The following RPGRIP1 variants were observed in gnomAD, a reference collection of about 807,000 sequenced individuals.
RPGRIP1 encodes the protein RPGR interacting protein 1, also known as X-linked retinitis pigmentosa GTPase regulator-interacting protein 1.
RPGRIP1 carries 128 observed loss-of-function variants against 157.9 expected under a neutral mutation model. That is an observed-to-expected ratio of 0.81 (90% CI 0.70 to 0.94). The LOEUF (loss-of-function observed/expected upper bound fraction) is 0.94. Ranked by LOEUF, RPGRIP1 falls within the 40% of genes least tolerant of loss-of-function variation. The probability of loss-of-function intolerance (pLI) is 0.00; values close to 1 mark genes in which losing one functional copy is unlikely to be tolerated. For synonymous variants in RPGRIP1, 554 were observed against 571.6 expected (o/e 0.97, Z 0.44); for missense variants, 1,486 against 1,545.8 (o/e 0.96, Z 0.65).
rs1594213493 is a variant in RPGRIP1 at position 21,325,073 on chromosome 14, A to G, written c.2215+3A>G. Reference sequence around the variant, plus strand: ...CCATGGCTTGGCCACACTGATTGGTAAGTGCCGTTGGCTTCCTGCGGCTCC... The same window carrying G: ...CCATGGCTTGGCCACACTGATTGGTGAGTGCCGTTGGCTTCCTGCGGCTCC... On this transcript the variant is annotated splice_donor_region_variant and intron_variant, in intron 15 of 24. Transcript: ENST00000400017. The G allele has an allele frequency of 6.2e-7, 1 of 1,603,560 alleles. No homozygotes were observed. The highest frequency in any genetic ancestry group is 2.2e-5 in the East Asian group (1 of 44,664).
intron 2 of RPGRIP1, among the ~76,000 whole-genome samples, chr14:21,293,026 A>G (rs559588269): frequency 2.0e-5 from 3 of 151,832 alleles, no homozygotes; most frequent in East Asian, 3.9e-4. Flanking sequence ...GGTGCCTGTA[A>G]TCTCAGCTAC....
At chr14:21,328,396 T>C in intron 18 of RPGRIP1, 28 bp from the exon 19 acceptor site, 1 of 1,545,964 alleles carries the variant, frequency 6.5e-7, no homozygotes, top group African/African-American at 1.4e-5. Flanking sequence ...TACCAGCTTG[T>C]AATGCTATCT....
intron 14 of RPGRIP1, 165 bp from the exon 15 acceptor site, chr14:21,324,453 C>A: frequency 1.5e-6 from 1 of 667,286 alleles, no homozygotes; most frequent in Non-Finnish European, 2.7e-6. Context: ...ATTCAATGCT[C>A]CTGGTTGTCC....
intron 24 of RPGRIP1, among the ~76,000 whole-genome samples, chr14:21,350,728 G>A (rs1886172948): frequency 6.6e-6 from 1 of 152,272 alleles, no homozygotes; most frequent in Admixed American, 6.5e-5. Flanking sequence ...TAAGGCAAGT[G>A]ACGTTATCTT....
intron 10 of RPGRIP1, among the ~76,000 whole-genome samples, chr14:21,317,185 G>A (rs532137815): frequency 6.6e-6 from 1 of 152,204 alleles, no homozygotes; most frequent in South Asian, 2.1e-4. Flanking sequence ...AAATGGGTCT[G>A]CTCTGACAGC....
At chr14:21,293,855 G>A (rs1880640953) in intron 2 of RPGRIP1, among the ~76,000 whole-genome samples, 1 of 151,816 alleles carries the variant, frequency 6.6e-6, no homozygotes, top group Non-Finnish European at 1.5e-5. Flanking sequence ...CTCCAGCCTG[G>A]GCGAGAGTGC....
At chr14:21,312,055 G>T (rs1037545213) in intron 9 of RPGRIP1, 85 bp downstream of exon 9, 2 of 1,280,786 alleles carry the variant, frequency 1.6e-6, no homozygotes, top group African/African-American at 1.5e-5. Flanking sequence ...TATGAGTATT[G>T]CATTTTTTCA....
At position 21,351,121 on chromosome 14, in the gene RPGRIP1, C is replaced by G. The variant is rs1405508889; in HGVS notation, c.3766C>G (p.Leu1256Val). ...QELDIVSPEDLATPIGRLKVS... is the reference protein window; with the variant it reads ...QELDIVSPEDVATPIGRLKVS... ...CCCAACAGTTGTTAGCCCTGAAGAT[C>G]TGGCTACCCCAATAGGAAGGCTGAA... The change falls in exon 25 of 25, where the codon CTG (leucine) becomes GTG (valine). Residue 1256 changes from leucine (L) to valine (V), a missense_variant. Coordinates refer to ENST00000400017, the MANE Select transcript of RPGRIP1 (RefSeq NM_020366.4). 2.5e-6 allele frequency: 4 copies of G among 1,608,956 alleles called. No individual in the cohort carries two copies. The African/African-American group carries it at 5.3e-5, about 22-fold the overall frequency.
At chr14:21,297,889 A>G (rs1468735727) in intron 3 of RPGRIP1, among the ~76,000 whole-genome samples, 4 of 18,992 alleles carry the variant, frequency 2.1e-4, no homozygotes, top group African/African-American at 1.1e-3. Flanking sequence ...TTTTTTTGAG[A>G]TAGGGTCTCA....
intron 21 of RPGRIP1, among the ~76,000 whole-genome samples, chr14:21,338,225 T>C (rs1261143304): frequency 6.6e-6 from 1 of 152,164 alleles, no homozygotes; most frequent in Non-Finnish European, 1.5e-5. Flanking sequence ...CTCCCTCTTC[T>C]TAACAGTTAC....
At chr14:21,286,525 G>A (rs184892577) in intron 1 of RPGRIP1, among the ~76,000 whole-genome samples, 15 of 151,838 alleles carry the variant, frequency 9.9e-5, no homozygotes, top group African/African-American at 2.9e-4. Context: ...GGCTGGCTGC[G>A]GTCTGATGCC....
intron 6 of RPGRIP1, among the ~76,000 whole-genome samples, chr14:21,304,389 GAGAAAGAAAGAAAGAA>G (rs4058350): frequency 0.03 from 3,679 of 120,946 alleles, 75 homozygotes; most frequent in African/African-American, 0.071. Flanking sequence ...GAAGGAGAGA[GAGAAAGAAAGAAAGAA>G]AGAAAGAAAG....
chr14:21,349,068 AT>A lies in RPGRIP1; in HGVS notation c.3748+786del, dbSNP rs397709409. Among the ~76,000 whole-genome samples the A allele has an allele frequency of 2.7e-3, 304 of 113,404 alleles. 1 individual carries two copies. Among genetic ancestry groups the A allele is most frequent in the African/African-American group, 9.8e-3 (279 of 28,548 alleles). 74.4% of individuals were successfully genotyped at this position (113,404 alleles called of 152,430 possible). On this transcript the variant is annotated intron_variant, in intron 24 of 24. Coordinates refer to ENST00000400017, the MANE Select transcript of RPGRIP1 (RefSeq NM_020366.4). ...AATTGACTATGCTCTCCTTACTACA[AT>A]TTTTTTTTTTTTTTTTTTTGAGACA...
intron 1 of RPGRIP1, among the ~76,000 whole-genome samples, 67 bp downstream of exon 1, chr14:21,280,226 T>A (rs1279168050): frequency 1.3e-5 from 2 of 148,932 alleles, no homozygotes; most frequent in Non-Finnish European, 3.0e-5. Context: ...TTGAGAAGAA[T>A]GAAATAAGTT....
rs113696227 is a variant in RPGRIP1, at chr14:21,302,442, G to A, written c.491-46G>A. On this transcript the variant is annotated intron_variant, in intron 4 of 24. Coordinates refer to ENST00000400017, the MANE Select transcript of RPGRIP1 (RefSeq NM_020366.4). Reference sequence around the variant, plus strand: ...TTCCAGTTTCAGTACTTGGTGTTCCGGAGGGTACTGTTGCCCGAGTCTGCA... The same window carrying A: ...TTCCAGTTTCAGTACTTGGTGTTCCAGAGGGTACTGTTGCCCGAGTCTGCA... 2.6e-3 allele frequency: 2,785 copies of A among 1,087,386 alleles called. 30 individuals carry two copies. The highest frequency in any genetic ancestry group is 0.023 in the African/African-American group (1,479 of 64,500). The allele number at this position is 1,087,386 out of a possible 1,614,324, so 67.4% of individuals were successfully genotyped here. A position where few individuals can be genotyped will look rare whatever the true frequency, so the allele number is the denominator to read the frequency against.
intron 21 of RPGRIP1, among the ~76,000 whole-genome samples, chr14:21,341,017 A>G (rs1646120124): frequency 6.6e-6 from 1 of 152,064 alleles, no homozygotes; most frequent in Admixed American, 6.6e-5. Flanking sequence ...AGGGTTATTA[A>G]GAGAAAAACA....
At chr14:21,324,584 CT>C (rs2139226196) in intron 14 of RPGRIP1, 33 bp from the exon 15 acceptor site, 1 of 1,573,626 alleles carries the variant, frequency 6.4e-7, no homozygotes, top group Non-Finnish European at 8.7e-7. Flanking sequence ...GCTCCCTACC[CT>C]TTAACGGATA....
chr14:21,281,414 C>T (rs1028541686), intron 1 of RPGRIP1, among the ~76,000 whole-genome samples: 3 of 151,926 alleles, frequency 2.0e-5, no homozygotes, highest in South Asian at 4.1e-4. Flanking sequence ...TTGGCCCAGG[C>T]GTGTTGGCTC....
At chr14:21,339,243 C>G (rs577591873) in intron 21 of RPGRIP1, among the ~76,000 whole-genome samples, 333 of 152,044 alleles carry the variant, frequency 2.2e-3, no homozygotes, top group African/African-American at 7.9e-3. Flanking sequence ...GTCAGGAGAT[C>G]GAGTCCATCC....
Sources: gnomAD v4.1 joint callset for allele counts (sites outside exome capture counted in the v4.1 genomes callset) on GRCh38, gnomAD v4.1.1 for gene constraint, MANE v1.5 for transcripts, NCBI Gene and HGNC (gene_info 2026-07-23, HGNC 2026-07-21) for gene names.